Variants in LINGO2 observed in about 807,000 individuals in gnomAD.
LINGO2 encodes leucine rich repeat and Ig domain containing 2.
Under a neutral mutation model 30.6 loss-of-function variants are expected in LINGO2, and 14 were observed. The observed-to-expected ratio is 0.46, with a 90% confidence interval of 0.30 to 0.72. The LOEUF is 0.72. LINGO2 is among the 30% of genes least tolerant of loss of function. The pLI, the probability that LINGO2 is intolerant of heterozygous loss-of-function variation, is 0.07. For synonymous variants in LINGO2, 317 were observed against 288.5 expected, an observed-to-expected ratio of 1.10 and a Z score of -1.00; for missense variants, 729 against 751.7, an observed-to-expected ratio of 0.97 and a Z score of 0.35.
At chr9:28,722,535 G>C in the LINGO2 span, among the ~76,000 whole-genome samples, 5 of 152,028 alleles carry the variant, frequency 3.3e-5, no homozygotes, top group Admixed American at 1.3e-4. Context: ...AGTGACTTAA[G>C]ATAGTCCTGG....
the LINGO2 span, among the ~76,000 whole-genome samples, chr9:28,839,308 G>A: frequency 4.6e-5 from 7 of 152,142 alleles, no homozygotes; most frequent in Non-Finnish European, 1.5e-5. Context: ...GGGTGAATAA[G>A]GTGAAGAGGT....
intron 1 of LINGO2, among the ~76,000 whole-genome samples, chr9:28,586,239 T>A (rs188474682): frequency 6.6e-6 from 1 of 152,006 alleles, no homozygotes; most frequent in Non-Finnish European, 1.5e-5. Flanking sequence ...ACAAGTTCTA[T>A]AAGTCTCATT....
intron 4 of LINGO2, among the ~76,000 whole-genome samples, chr9:28,184,021 T>C (rs977822751): frequency 1.3e-5 from 2 of 152,210 alleles, no homozygotes; most frequent in Admixed American, 1.3e-4. Context: ...TAGGCAGCCA[T>C]TACTAATCTT....
intron 1 of LINGO2, among the ~76,000 whole-genome samples, chr9:28,605,882 C>T (rs550757071): frequency 2.0e-5 from 3 of 152,138 alleles, no homozygotes; most frequent in East Asian, 3.9e-4. Context: ...GTCCTATGGT[C>T]GTCAAATCCG....
At chr9:28,018,132 T>C (rs1822933035) in intron 4 of LINGO2, among the ~76,000 whole-genome samples, 2 of 152,162 alleles carry the variant, frequency 1.3e-5, no homozygotes, top group South Asian at 2.1e-4. Context: ...CAATAAATGG[T>C]GCTGGGCTGA....
chr9:27,997,654 C>G (rs1335531158), intron 5 of LINGO2, among the ~76,000 whole-genome samples: 1 of 152,186 alleles, frequency 6.6e-6, no homozygotes, highest in African/African-American at 2.4e-5. Context: ...TGAGTTTGCA[C>G]TCTGTATCAG....
chr9:28,403,635 T>C (rs1053890907), intron 2 of LINGO2, among the ~76,000 whole-genome samples: 10 of 138,204 alleles, frequency 7.2e-5, no homozygotes, highest in African/African-American at 1.0e-4. Context: ...TAAATAATTA[T>C]GACAATGCCA....
chr9:28,826,403 C>T, the LINGO2 span, among the ~76,000 whole-genome samples: 12 of 152,162 alleles, frequency 7.9e-5, no homozygotes, highest in South Asian at 8.3e-4. Flanking sequence ...CCACAGTCAC[C>T]GCCACTCTGC....
chr9:28,071,608 A>T (rs1825479352), intron 4 of LINGO2, among the ~76,000 whole-genome samples: 1 of 151,422 alleles, frequency 6.6e-6, no homozygotes. Flanking sequence ...CCTATCTGTG[A>T]CAAGGGCCCC....
intron 4 of LINGO2, among the ~76,000 whole-genome samples, chr9:28,251,154 T>G (rs1417931285): frequency 6.6e-6 from 1 of 152,180 alleles, no homozygotes; most frequent in Non-Finnish European, 1.5e-5. Context: ...CCTCTGTGAA[T>G]TCTTTCTCTG....
the LINGO2 span, among the ~76,000 whole-genome samples, chr9:29,130,120 G>C: frequency 1.3e-5 from 2 of 152,126 alleles, no homozygotes; most frequent in African/African-American, 4.8e-5. Flanking sequence ...GAAATTCTGT[G>C]TGTGAACATG....
At chr9:29,100,909 C>T in the LINGO2 span, among the ~76,000 whole-genome samples, 35,873 of 151,588 alleles carry the variant, frequency 0.24, 4,367 homozygotes, top group East Asian at 0.41. Context: ...GAAGAAACTG[C>T]GGAGAAAAAA....
intron 1 of LINGO2, among the ~76,000 whole-genome samples, chr9:28,563,780 C>T (rs945133265): frequency 1.3e-5 from 2 of 152,118 alleles, no homozygotes; most frequent in African/African-American, 2.4e-5. Flanking sequence ...GGCTAACATA[C>T]TAGGCTGCTG....
the LINGO2 span, among the ~76,000 whole-genome samples, chr9:29,004,484 C>A: frequency 6.6e-6 from 1 of 151,830 alleles, no homozygotes; most frequent in African/African-American, 2.4e-5. Context: ...TTATGTGGCA[C>A]AACATCATGC....
intron 4 of LINGO2, among the ~76,000 whole-genome samples, chr9:28,080,373 C>A (rs1226675063): frequency 6.6e-6 from 1 of 152,146 alleles, no homozygotes; most frequent in African/African-American, 2.4e-5. Context: ...CTCACGCTGG[C>A]TTGCTTTCTA....
the LINGO2 span, among the ~76,000 whole-genome samples, chr9:29,025,956 G>T: frequency 1.3e-5 from 2 of 152,184 alleles, no homozygotes; most frequent in African/African-American, 4.8e-5. Context: ...CCATGTTGTT[G>T]CATATGACAG....
chr9:28,754,391 T>C, the LINGO2 span, among the ~76,000 whole-genome samples: 1 of 152,102 alleles, frequency 6.6e-6, no homozygotes, highest in Non-Finnish European at 1.5e-5. Context: ...AATTCCACAG[T>C]TGATACAGAA....
At chr9:28,554,781 G>C (rs577971361) in intron 1 of LINGO2, among the ~76,000 whole-genome samples, 7 of 129,944 alleles carry the variant, frequency 5.4e-5, no homozygotes, top group South Asian at 2.7e-4. Flanking sequence ...TAAAAGAACA[G>C]AAATTATAAC....
the LINGO2 span, among the ~76,000 whole-genome samples, chr9:29,053,480 G>C: frequency 5.9e-5 from 9 of 152,118 alleles, no homozygotes; most frequent in African/African-American, 1.9e-4. Flanking sequence ...GTTAATGGGT[G>C]CAGCACACCA....
Sources: gnomAD v4.1 joint callset for allele counts (sites outside exome capture counted in the v4.1 genomes callset) on GRCh38, gnomAD v4.1.1 for gene constraint, MANE v1.5 for transcripts, NCBI Gene and HGNC (gene_info 2026-07-23, HGNC 2026-07-21) for gene names.